The following ZNF410 variants were observed in gnomAD, a reference collection of about 807,000 sequenced individuals.
ZNF410 encodes the protein zinc finger protein 410.
Under a neutral mutation model 54.8 loss-of-function variants are expected in ZNF410, and 18 were observed. The ratio of observed to expected loss-of-function variants is 0.33; its 90% CI spans 0.23 to 0.49. ZNF410 has a LOEUF of 0.49. Ranked by LOEUF, ZNF410 falls within the 20% of genes least tolerant of loss-of-function variation. The probability of loss-of-function intolerance (pLI) is 0.99; values close to 1 mark genes in which losing one functional copy is unlikely to be tolerated. For synonymous variants in ZNF410, 191 were observed against 207.3 expected (o/e 0.92, Z 0.68); for missense variants, 405 against 569.6 (o/e 0.71, Z 2.94).
chr14:73,893,683 T>C, intron 2 of ZNF410, 114 bp from the exon 3 acceptor site: 2 of 1,216,334 alleles, frequency 1.6e-6, no homozygotes, highest in South Asian at 4.3e-5. Flanking sequence ...TTAGTTTTTG[T>C]TTGAATATGG....
At chr14:73,924,813 A>G (rs1357745462) in intron 11 of ZNF410, 3 of 362,350 alleles carry the variant, frequency 8.3e-6, no homozygotes, top group South Asian at 6.2e-5. Flanking sequence ...AGTAGCTGCT[A>G]CTACAGGTGC....
chr14:73,912,330 C>T (rs147820204), intron 8 of ZNF410, among the ~76,000 whole-genome samples: 46 of 152,048 alleles, frequency 3.0e-4, no homozygotes, highest in African/African-American at 8.9e-4. Context: ...CCACCACGCC[C>T]GACTAATTTT....
chr14:73,898,749 A>G (rs557731772), intron 5 of ZNF410, among the ~76,000 whole-genome samples: 65 of 152,340 alleles, frequency 4.3e-4, no homozygotes, highest in African/African-American at 1.5e-3. Context: ...CAGTTTAACA[A>G]TTAGCTATGA....
At chr14:73,906,928 T>G (rs901523308) in intron 7 of ZNF410, among the ~76,000 whole-genome samples, 1 of 152,140 alleles carries the variant, frequency 6.6e-6, no homozygotes, top group African/African-American at 2.4e-5. Flanking sequence ...TACTCTCTTG[T>G]CATAATCTCA....
chr14:73,925,265 G>A (rs569019578), intron 11 of ZNF410, among the ~76,000 whole-genome samples: 2 of 152,038 alleles, frequency 1.3e-5, no homozygotes, highest in South Asian at 2.1e-4. Flanking sequence ...TCTCACTTAC[G>A]GAGCCTTCCT....
chr14:73,925,348 TGA>T (rs975509939), intron 11 of ZNF410, among the ~76,000 whole-genome samples: 1 of 152,078 alleles, frequency 6.6e-6, no homozygotes, highest in African/African-American at 2.4e-5. Context: ...CAGAGTACAG[TGA>T]GAGAGAGACT....
chr14:73,921,169 T>C (rs1274369104), intron 9 of ZNF410, 64 bp downstream of exon 9: 2 of 1,588,976 alleles, frequency 1.3e-6, no homozygotes, highest in Non-Finnish European at 8.6e-7. Flanking sequence ...CAAATCACTG[T>C]CCTGCCTGCT....
At position 73,905,957 on chromosome 14, in the gene ZNF410, A is replaced by G. The variant is rs936369930; in HGVS notation, c.913+874A>G. On this transcript the variant is annotated intron_variant, in intron 7 of 11. Coordinates refer to ENST00000555044, the MANE Select transcript of ZNF410 (RefSeq NM_021188.3). ...CATACATATATATACACACACACAC[A>G]CACACACACACATATATATATATAT... Among the ~76,000 whole-genome samples the G allele has an allele frequency of 2.0e-3, 47 of 23,586 alleles. 2 individuals are homozygous for G. The highest frequency in any genetic ancestry group is 4.6e-3 in the African/African-American group (46 of 10,052). 15.5% of individuals were successfully genotyped at this position (23,586 alleles called of 152,430 possible). A position where few individuals can be genotyped will look rare whatever the true frequency, so the allele number is the denominator to read the frequency against.
chr14:73,930,442 C>T (rs1411112889), intron 11 of ZNF410, among the ~76,000 whole-genome samples: 4 of 151,934 alleles, frequency 2.6e-5, no homozygotes, highest in African/African-American at 9.7e-5. Context: ...GGGTTATAGG[C>T]ATGAGCCATG....
intron 11 of ZNF410, chr14:73,927,089 A>ATTTT: frequency 2.6e-5 from 4 of 151,328 alleles, no homozygotes; most frequent in South Asian, 3.2e-4. Context: ...GTTTATTATG[A>ATTTT]TTTTTTTTTT....
chr14:73,924,730 G>A (rs1235460211), intron 11 of ZNF410: 1 of 439,036 alleles, frequency 2.3e-6, no homozygotes, highest in Admixed American at 2.6e-5. Flanking sequence ...AGGCTGGAGT[G>A]CAGTGGTGCG....
At chr14:73,912,997 C>G (rs1566661102) in intron 8 of ZNF410, 1 of 151,980 alleles carries the variant, frequency 6.6e-6, no homozygotes, top group Non-Finnish European at 1.5e-5. Context: ...GATATTAAGC[C>G]CAGCATCCAT....
intron 8 of ZNF410, among the ~76,000 whole-genome samples, chr14:73,910,753 CAAA>C (rs755623044): frequency 0.05 from 3,529 of 70,804 alleles, 56 homozygotes; most frequent in South Asian, 0.15. Context: ...AACTCCGTCT[CAAA>C]AAAAAAAAAA....
At chr14:73,925,363 T>C (rs1237882682) in intron 11 of ZNF410, among the ~76,000 whole-genome samples, 2 of 152,128 alleles carry the variant, frequency 1.3e-5, no homozygotes, top group African/African-American at 2.4e-5. Flanking sequence ...GAGAGACTAG[T>C]ATGATAAACC....
intron 8 of ZNF410, chr14:73,920,772 G>A (rs1239986640): frequency 2.7e-5 from 15 of 551,582 alleles, no homozygotes; most frequent in Admixed American, 1.9e-4. Context: ...CCAGCAGCTG[G>A]GAGCAGGGAG....
Position 73,931,637 on chromosome 14 carries a change from A to G in ZNF410, c.*96A>G, listed in dbSNP as rs2055917630. 1 of 1,151,344 alleles carries G rather than the reference A, an allele frequency of 8.7e-7. No homozygotes were observed. 71.3% of individuals were successfully genotyped at this position (1,151,344 alleles called of 1,614,324 possible). ...TTAGCCCACAACAGAACCAGAATGAATCTTTGAAGGCACAAGACTCTGCTT... is the reference window on the plus strand; with the variant it reads ...TTAGCCCACAACAGAACCAGAATGAGTCTTTGAAGGCACAAGACTCTGCTT... On this transcript the variant is annotated 3_prime_UTR_variant, in exon 12 of 12. Coordinates refer to ENST00000555044, the MANE Select transcript of ZNF410 (RefSeq NM_021188.3).
At chr14:73,920,873 A>G in intron 8 of ZNF410, 107 bp from the exon 9 acceptor site, 1 of 1,430,366 alleles carries the variant, frequency 7.0e-7, no homozygotes, top group Non-Finnish European at 9.5e-7. Flanking sequence ...GAAAAGGAGC[A>G]GCTGCTTATG....
At chr14:73,917,838 A>G (rs1014304982) in intron 8 of ZNF410, among the ~76,000 whole-genome samples, 7 of 152,120 alleles carry the variant, frequency 4.6e-5, no homozygotes, top group Admixed American at 2.0e-4. Context: ...TAAAAAGAAG[A>G]AAAGGGTGCA....
chr14:73,896,170 G>A (rs1191629933), intron 3 of ZNF410, 146 bp from the exon 4 acceptor site: 1 of 637,132 alleles, frequency 1.6e-6, no homozygotes, highest in Non-Finnish European at 2.7e-6. Flanking sequence ...GTTCTTCTGT[G>A]AGACAAAGTT....
Sources: allele counts gnomAD v4.1 joint callset (sites outside exome capture counted in the v4.1 genomes callset), GRCh38; gene constraint gnomAD v4.1.1; transcripts MANE v1.5; gene names NCBI Gene and HGNC (gene_info 2026-07-23, HGNC 2026-07-21).